Variants in CSMD1 observed in about 807,000 individuals in gnomAD.
CSMD1 encodes the protein CUB and Sushi multiple domains 1, also known as CUB and sushi domain-containing protein 1.
Under a neutral mutation model 417.5 loss-of-function variants are expected in CSMD1, and 213 were observed. The observed-to-expected ratio is 0.51, with a 90% CI of 0.46 to 0.57. The LOEUF (loss-of-function observed/expected upper bound fraction) is 0.57, where lower values mean the gene tolerates loss of function less well. CSMD1 is among the 20% of genes least tolerant of loss of function. The pLI is 0.00. For missense variants in CSMD1, 6,923 were observed against 4,529.7 expected, an observed-to-expected ratio of 1.53 and a Z score of -15.17; for synonymous variants, 2,862 against 1,736.8, an observed-to-expected ratio of 1.65 and a Z score of -16.11.
intron 23 of CSMD1, among the ~76,000 whole-genome samples, chr8:3,341,147 C>G (rs950683334): frequency 6.6e-6 from 1 of 152,124 alleles, no homozygotes; most frequent in Non-Finnish European, 1.5e-5. Flanking sequence ...CATGTGGGGT[C>G]CAGGCAGGGC....
At chr8:4,877,085 C>T (rs1803091277) in intron 1 of CSMD1, among the ~76,000 whole-genome samples, 1 of 152,044 alleles carries the variant, frequency 6.6e-6, no homozygotes, top group African/African-American at 2.4e-5. Flanking sequence ...TTCAAATACA[C>T]TACTTATTGA....
chr8:3,958,597 T>C (rs192975038), intron 5 of CSMD1, among the ~76,000 whole-genome samples: 25 of 152,314 alleles, frequency 1.6e-4, no homozygotes, highest in Middle Eastern at 3.4e-3. Context: ...TCCATTCACA[T>C]ACCCGCATTT....
intron 5 of CSMD1, among the ~76,000 whole-genome samples, chr8:3,787,150 A>G (rs938381595): frequency 1.3e-5 from 2 of 152,180 alleles, no homozygotes; most frequent in African/African-American, 4.8e-5. Flanking sequence ...TATTCTGAAC[A>G]TGTAATCAGG....
At chr8:4,248,205 C>A (rs1364588182) in intron 3 of CSMD1, among the ~76,000 whole-genome samples, 1 of 152,070 alleles carries the variant, frequency 6.6e-6, no homozygotes, top group Non-Finnish European at 1.5e-5. Context: ...CATGACATGA[C>A]ATGCCATTTC....
chr8:4,724,461 T>C (rs1396408710), intron 1 of CSMD1, among the ~76,000 whole-genome samples: 1 of 151,870 alleles, frequency 6.6e-6, no homozygotes, highest in Non-Finnish European at 1.5e-5. Context: ...TTTACATTAC[T>C]TATAAGTAGC....
At chr8:3,307,562 AGCTACAGCTTTACC>A (rs1220415820) in intron 25 of CSMD1, 119 bp downstream of exon 25, 2 of 1,071,650 alleles carry the variant, frequency 1.9e-6, no homozygotes, top group Non-Finnish European at 2.7e-6. Flanking sequence ...CAAAACTTTT[AGCTACAGCTTTACC>A]TTTTCTTCTT....
intron 5 of CSMD1, among the ~76,000 whole-genome samples, chr8:3,870,488 G>A (rs1417769000): frequency 1.3e-5 from 2 of 152,148 alleles, no homozygotes; most frequent in East Asian, 1.9e-4. Flanking sequence ...TTGAAATTGA[G>A]GGATTAATGT....
intron 3 of CSMD1, among the ~76,000 whole-genome samples, chr8:4,390,748 C>A (rs918452835): frequency 6.6e-6 from 1 of 151,706 alleles, no homozygotes; most frequent in East Asian, 1.9e-4. Flanking sequence ...CTTCTGACCT[C>A]GTCAGGATGG....
intron 55 of CSMD1, among the ~76,000 whole-genome samples, chr8:2,977,060 AAAAG>A (rs1563199541): frequency 2.6e-5 from 4 of 151,966 alleles, no homozygotes; most frequent in East Asian, 1.9e-4. Flanking sequence ...TTTAAAAAAA[AAAAG>A]AAAGAAAGAA....
intron 1 of CSMD1, among the ~76,000 whole-genome samples, chr8:4,960,807 G>A (rs1373085840): frequency 2.0e-5 from 3 of 151,888 alleles, no homozygotes; most frequent in Admixed American, 1.3e-4. Flanking sequence ...GTTATAAAAT[G>A]GTAAAACTAT....
rs566703172 is a variant in CSMD1, at chr8:3,141,310, C to A, written c.6241+1155G>T. The stretch of plus-strand genomic sequence containing the variant: ...TGACAGTGAAAGAAACCAGACCTAA[C>A]CAACTCCATCTTGCTTCTAACCTTT... On this transcript the variant is annotated intron_variant, in intron 41 of 69. Coordinates refer to ENST00000635120, the MANE Select transcript of CSMD1 (RefSeq NM_033225.6). 2.0e-5 allele frequency among the ~76,000 whole-genome samples: 3 copies of A among 152,304 alleles called. No homozygotes were observed. In the South Asian group the frequency reaches 6.2e-4, roughly 32 times the overall value.
rs893240667 is a variant in CSMD1 at position 4,632,933 on chromosome 8, G to T, written c.302+4409C>A. ...CCACAGATCTGTGCAACTGAACAAGGATACTTTTCAGGGGACAAACGGGAG... is the reference window on the plus strand; with the variant it reads ...CCACAGATCTGTGCAACTGAACAAGTATACTTTTCAGGGGACAAACGGGAG... On this transcript the variant is annotated intron_variant, in intron 2 of 69. Transcript: ENST00000635120. Among the ~76,000 whole-genome samples, 7 of 152,170 alleles carry T rather than the reference G, an allele frequency of 4.6e-5. No individual in the cohort carries two copies. In the East Asian group the frequency reaches 1.3e-3, roughly 29 times the overall value.
At chr8:3,992,250 A>C (rs1288096657) in intron 5 of CSMD1, among the ~76,000 whole-genome samples, 1 of 152,024 alleles carries the variant, frequency 6.6e-6, no homozygotes, top group Non-Finnish European at 1.5e-5. Flanking sequence ...CAACACTTCT[A>C]AGCTCTATTT....
chr8:4,521,353 C>T (rs1429929830), intron 2 of CSMD1, among the ~76,000 whole-genome samples: 4 of 152,080 alleles, frequency 2.6e-5, no homozygotes, highest in East Asian at 1.9e-4. Context: ...CCTTAAGAAC[C>T]TTTAAGCAGG....
intron 46 of CSMD1, among the ~76,000 whole-genome samples, chr8:3,100,894 G>A (rs1166101578): frequency 6.6e-6 from 1 of 152,062 alleles, no homozygotes; most frequent in Non-Finnish European, 1.5e-5. Flanking sequence ...TAGGGAAAAG[G>A]CTGCCCCAGA....
intron 25 of CSMD1, among the ~76,000 whole-genome samples, chr8:3,295,388 A>C (rs1051128110): frequency 6.6e-6 from 1 of 152,064 alleles, no homozygotes; most frequent in Non-Finnish European, 1.5e-5. Context: ...GGCCTCCCAA[A>C]GTGCTGGGAT....
chr8:3,770,308 A>C (rs113435645), intron 5 of CSMD1, among the ~76,000 whole-genome samples: 1 of 152,120 alleles, frequency 6.6e-6, no homozygotes, highest in Non-Finnish European at 1.5e-5. Context: ...GCGGGGGTGG[A>C]TCACAAGATC....
chr8:4,563,256 C>A (rs1009593649), intron 2 of CSMD1, among the ~76,000 whole-genome samples: 1 of 152,084 alleles, frequency 6.6e-6, no homozygotes, highest in Admixed American at 6.6e-5. Flanking sequence ...AAAAAATTAG[C>A]CGGACATGGT....
chr8:3,687,303 G>C (rs898735909), intron 7 of CSMD1, among the ~76,000 whole-genome samples: 1 of 152,160 alleles, frequency 6.6e-6, no homozygotes, highest in Non-Finnish European at 1.5e-5. Flanking sequence ...ATGTATGATG[G>C]ATGAAAAGGT....
Sources: allele counts gnomAD v4.1 joint callset (sites outside exome capture counted in the v4.1 genomes callset), GRCh38; gene constraint gnomAD v4.1.1; transcripts MANE v1.5; gene names NCBI Gene and HGNC (gene_info 2026-07-23, HGNC 2026-07-21).